AGPAT4: variants seen among roughly 807,000 people sequenced by gnomAD.
The protein encoded by AGPAT4 is 1-acyl-sn-glycerol-3-phosphate acyltransferase delta.
Under a neutral mutation model 48.0 loss-of-function variants are expected in AGPAT4, and 15 were observed. That is an observed-to-expected ratio of 0.31 (90% CI 0.21 to 0.48). AGPAT4 has a LOEUF of 0.48. Ranked by LOEUF, AGPAT4 falls within the 20% of genes least tolerant of loss-of-function variation. The pLI is 0.99. For synonymous variants in AGPAT4, 178 were observed against 198.7 expected (o/e 0.90, Z 0.88); for missense variants, 314 against 482.5 (o/e 0.65, Z 3.27).
chr6:161,167,936 C>T (rs538779217), intron 2 of AGPAT4, among the ~76,000 whole-genome samples: 95 of 152,326 alleles, frequency 6.2e-4, no homozygotes, highest in South Asian at 1.2e-3. Flanking sequence ...TCCTTAAAAA[C>T]GACGAAAACC....
chr6:161,239,585 A>G (rs1247085474), intron 1 of AGPAT4, among the ~76,000 whole-genome samples: 3 of 152,222 alleles, frequency 2.0e-5, no homozygotes, highest in Non-Finnish European at 2.9e-5. Context: ...TCAGTCCAAG[A>G]AGAATTGCTG....
Position 161,167,110 on chromosome 6 carries a change from T to C in AGPAT4, c.179-693A>G, listed in dbSNP as rs181399435. On this transcript the variant is annotated intron_variant, in intron 2 of 8. Transcript: ENST00000320285. ...ATCTGGCAGGCTCAGGAAAAGCCTC[T>C]AGGGTAGAAACTGTCCAGAAAAACA... Among the ~76,000 whole-genome samples, 182 of 152,290 alleles carry C rather than the reference T, an allele frequency of 1.2e-3. 3 individuals carry two copies. In the East Asian group the frequency reaches 0.029, roughly 24 times the overall value.
At chr6:161,172,707 A>G (rs1780300944) in intron 2 of AGPAT4, among the ~76,000 whole-genome samples, 1 of 152,172 alleles carries the variant, frequency 6.6e-6, no homozygotes, top group Non-Finnish European at 1.5e-5. Flanking sequence ...GGTTTGTTAC[A>G]TATGTATACA....
rs1781050053 is a variant in AGPAT4, at chr6:161,195,755, A to G, written c.179-29338T>C. Among the ~76,000 whole-genome samples the G allele has an allele frequency of 1.3e-5, 2 of 152,210 alleles. No individual in the cohort carries two copies. The highest frequency in any genetic ancestry group is 2.4e-5 in the African/African-American group (1 of 41,460). Reference sequence around the variant, plus strand: ...AAAACTACACATGCAGAGAACCTGGAGACATTTAGGGAGGCATGCCACACC... The same window carrying G: ...AAAACTACACATGCAGAGAACCTGGGGACATTTAGGGAGGCATGCCACACC... On this transcript the variant is annotated intron_variant, in intron 2 of 8. Coordinates refer to ENST00000320285, the MANE Select transcript of AGPAT4 (RefSeq NM_020133.3). The surrounding 1 kb of genome is among the most constrained non-coding windows in gnomAD (Gnocchi z 5.0).
At position 161,259,304 on chromosome 6, in the gene AGPAT4, C is replaced by G. The variant is rs554112332; in HGVS notation, c.-90+14634G>C. 2.0e-5 allele frequency among the ~76,000 whole-genome samples: 3 copies of G among 152,230 alleles called. No individual in the cohort carries two copies. The highest frequency in any genetic ancestry group is 2.0e-4 in the Admixed American group (3 of 15,294). ...TACACATTATTCTTAGTTATGGTCACAATGCCATGTAACAGACCTCTGCAC... is the reference window on the plus strand; with the variant it reads ...TACACATTATTCTTAGTTATGGTCAGAATGCCATGTAACAGACCTCTGCAC... On this transcript the variant is annotated intron_variant, in intron 1 of 8. Coordinates refer to ENST00000320285, the MANE Select transcript of AGPAT4 (RefSeq NM_020133.3). The surrounding 1 kb of genome is among the most constrained non-coding windows in gnomAD (Gnocchi z 4.9).
At chr6:161,193,402 C>G (rs749995751) in intron 2 of AGPAT4, among the ~76,000 whole-genome samples, 1 of 152,228 alleles carries the variant, frequency 6.6e-6, no homozygotes, top group Admixed American at 6.5e-5. Flanking sequence ...GTGCCACATG[C>G]TCAGTCCAAG....
Position 161,180,793 on chromosome 6 carries a change from C to T in AGPAT4, c.179-14376G>A, listed in dbSNP as rs1295142300. Reference sequence around the variant, plus strand: ...GGACGGTGCCTTCACACTCACAACACCCTCACCTGGAGGTCAGTCGTCAAG... The same window carrying T: ...GGACGGTGCCTTCACACTCACAACATCCTCACCTGGAGGTCAGTCGTCAAG... On this transcript the variant is annotated intron_variant, in intron 2 of 8. Transcript: ENST00000320285. This position sits in a 1 kb window ranked among gnomAD's most constrained non-coding sequence, Gnocchi z 6.4. 6.6e-6 allele frequency among the ~76,000 whole-genome samples: 1 copy of T among 152,136 alleles called. No homozygotes were observed. The highest frequency in any genetic ancestry group is 1.9e-4 in the East Asian group (1 of 5,180).
At position 161,231,613 on chromosome 6, in the gene AGPAT4, T is replaced by C. The variant is rs1447717863; in HGVS notation, c.178+423A>G. 2.0e-5 allele frequency among the ~76,000 whole-genome samples: 3 copies of C among 152,124 alleles called. No individual in the cohort carries two copies. Among genetic ancestry groups the C allele is most frequent in the African/African-American group, 4.8e-5 (2 of 41,418 alleles). On this transcript the variant is annotated intron_variant, in intron 2 of 8. Coordinates refer to ENST00000320285, the MANE Select transcript of AGPAT4 (RefSeq NM_020133.3). This position sits in a 1 kb window ranked among gnomAD's most constrained non-coding sequence, Gnocchi z 5.3. Reference sequence around the variant, plus strand: ...AGGCAAGGAAGAAAACAATATAGTATACTGCCACTTAGTTTTTTAAAAAAA... The same window carrying C: ...AGGCAAGGAAGAAAACAATATAGTACACTGCCACTTAGTTTTTTAAAAAAA...
At position 161,225,214 on chromosome 6, in the gene AGPAT4, CCT is replaced by C. The variant is rs1242867052; in HGVS notation, c.178+6820_178+6821del. The stretch of plus-strand genomic sequence containing the variant: ...ACCCTGACTCATTCTGATTCCGTCC[CCT>C]GTCATAACCATTTTTCCCGCCAAAC... On this transcript the variant is annotated intron_variant, in intron 2 of 8. Coordinates refer to ENST00000320285, the MANE Select transcript of AGPAT4 (RefSeq NM_020133.3). This position sits in a 1 kb window ranked among gnomAD's most constrained non-coding sequence, Gnocchi z 5.0. Among the ~76,000 whole-genome samples the C allele has an allele frequency of 2.0e-5, 3 of 152,178 alleles. No individual in the cohort carries two copies. Among genetic ancestry groups the C allele is most frequent in the Non-Finnish European group, 4.4e-5 (3 of 68,040 alleles).
rs908885238 is a variant in AGPAT4, at chr6:161,196,674, T to C, written c.179-30257A>G. ...AATACAAAAAATTAGCCTGGTGTGA[T>C]GGTTTGCAGCTGTAGTCCCAGCTAC... is the stretch of plus-strand genomic sequence containing the variant. On this transcript the variant is annotated intron_variant, in intron 2 of 8. Transcript: ENST00000320285. The surrounding 1 kb of genome is among the most constrained non-coding windows in gnomAD (Gnocchi z 4.3). Among the ~76,000 whole-genome samples the C allele has an allele frequency of 6.6e-6, 1 of 151,854 alleles. No homozygotes were observed. The highest frequency in any genetic ancestry group is 1.5e-5 in the Non-Finnish European group (1 of 67,966).
chr6:161,143,958 C>A lies in AGPAT4; in HGVS notation c.843+2566G>T, dbSNP rs1779334174. 1 of 315,786 alleles carries A rather than the reference C, an allele frequency of 3.2e-6. No individual in the cohort carries two copies. Among genetic ancestry groups the A allele is most frequent in the Admixed American group, 4.3e-5 (1 of 23,058 alleles). The allele number at this position is 315,786 out of a possible 1,614,324, so 19.6% of individuals were successfully genotyped here. ...TGCCCTAAAATCCCAAGGTCAAAAT[C>A]AACAGAACTGTCTTTTGACATACAC... On this transcript the variant is annotated intron_variant, in intron 7 of 8. Transcript: ENST00000320285. The surrounding 1 kb of genome is among the most constrained non-coding windows in gnomAD (Gnocchi z 4.7).
chr6:161,228,464 G>A (rs190284988), intron 2 of AGPAT4, among the ~76,000 whole-genome samples: 187 of 152,180 alleles, frequency 1.2e-3, no homozygotes, highest in African/African-American at 3.4e-3. Flanking sequence ...GAATTTGGAC[G>A]CAGGGCGCCA....
At chr6:161,228,795 G>A (rs1782051257) in intron 2 of AGPAT4, among the ~76,000 whole-genome samples, 2 of 151,116 alleles carry the variant, frequency 1.3e-5, no homozygotes, top group Admixed American at 6.6e-5. Context: ...TTTACCTAAC[G>A]AAGCCGGCTC....
In AGPAT4 at chr6:161,180,322, A is replaced by G. The variant is rs1485905053; in HGVS notation, c.179-13905T>C. 1.3e-5 allele frequency among the ~76,000 whole-genome samples: 2 copies of G among 152,264 alleles called. No individual in the cohort carries two copies. The highest frequency in any genetic ancestry group is 4.8e-5 in the African/African-American group (2 of 41,554). Reference sequence around the variant, plus strand: ...AGAAGTGCCATGGAGAATTTCTACTAAAACAGGGGAGGCAAGGACCCTGTA... The same window carrying G: ...AGAAGTGCCATGGAGAATTTCTACTGAAACAGGGGAGGCAAGGACCCTGTA... On this transcript the variant is annotated intron_variant, in intron 2 of 8. Coordinates refer to ENST00000320285, the MANE Select transcript of AGPAT4 (RefSeq NM_020133.3). This position sits in a 1 kb window ranked among gnomAD's most constrained non-coding sequence, Gnocchi z 6.4.
At position 161,139,341 on chromosome 6, in the gene AGPAT4, G is replaced by T; in HGVS notation, c.1042+81C>A. ...CATCCACGGCACAACTGCCTATACA[G>T]ATGGCCTTCGTCCCAGCCCTGATGC... On this transcript the variant is annotated intron_variant, in intron 8 of 8. Transcript: ENST00000320285. The surrounding 1 kb of genome is among the most constrained non-coding windows in gnomAD (Gnocchi z 9.1). The T allele has an allele frequency of 6.8e-7, 1 of 1,480,586 alleles. No homozygotes were observed. The allele number at this position is 1,480,586 out of a possible 1,614,324, so 91.7% of individuals were successfully genotyped here.
Position 161,264,588 on chromosome 6 carries a change from T to G in AGPAT4, c.-90+9350A>C, listed in dbSNP as rs1193857860. On this transcript the variant is annotated intron_variant, in intron 1 of 8. Transcript: ENST00000320285. This position sits in a 1 kb window ranked among gnomAD's most constrained non-coding sequence, Gnocchi z 6.8. ...TCCCTGCCCTGCAAGTCTTATCCAC[T>G]GCGTGGGAACCCCTCGCTGAGGCTT... is the stretch of plus-strand genomic sequence containing the variant. Among the ~76,000 whole-genome samples the G allele has an allele frequency of 6.6e-6, 1 of 152,208 alleles. No homozygotes were observed. The highest frequency in any genetic ancestry group is 6.5e-5 in the Admixed American group (1 of 15,280).
At chr6:161,168,725 A>G (rs1179564217) in intron 2 of AGPAT4, among the ~76,000 whole-genome samples, 2 of 152,230 alleles carry the variant, frequency 1.3e-5, no homozygotes, top group African/African-American at 4.8e-5. Flanking sequence ...CTGTCCAGGG[A>G]AAAGACAGCT....
chr6:161,246,410 G>T lies in AGPAT4; in HGVS notation c.-89-14108C>A, dbSNP rs1000674652. The stretch of plus-strand genomic sequence containing the variant: ...TAGACTTCTGAGCATAGGCACAGGG[G>T]ATTCTTTTTTTTTTTTGAGACAGAG... On this transcript the variant is annotated intron_variant, in intron 1 of 8. Coordinates refer to ENST00000320285, the MANE Select transcript of AGPAT4 (RefSeq NM_020133.3). The surrounding 1 kb of genome is among the most constrained non-coding windows in gnomAD (Gnocchi z 5.5). Among the ~76,000 whole-genome samples the T allele has an allele frequency of 2.0e-5, 3 of 148,174 alleles. No homozygotes were observed. The highest frequency in any genetic ancestry group is 7.9e-5 in the African/African-American group (3 of 38,132).
Position 161,189,371 on chromosome 6 carries a change from C to A in AGPAT4, c.179-22954G>T, listed in dbSNP as rs549301119. ...ATGGGTGGGGTCCAGGGAAGGGGCA[C>A]GAACAGGATGGAGGAGCAGGGAAGA... is the stretch of plus-strand genomic sequence containing the variant. On this transcript the variant is annotated intron_variant, in intron 2 of 8. Transcript: ENST00000320285. This position sits in a 1 kb window ranked among gnomAD's most constrained non-coding sequence, Gnocchi z 5.3. 1.3e-5 allele frequency among the ~76,000 whole-genome samples: 2 copies of A among 151,970 alleles called. No homozygotes were observed. The highest frequency in any genetic ancestry group is 2.9e-5 in the Non-Finnish European group (2 of 68,006).
Sources: gnomAD v4.1 joint callset for allele counts (sites outside exome capture counted in the v4.1 genomes callset) on GRCh38, gnomAD v4.1.1 for gene constraint, Gnocchi (gnomAD v3.1) non-coding constraint, MANE v1.5 for transcripts, NCBI Gene and HGNC (gene_info 2026-07-23, HGNC 2026-07-21) for gene names.